TAF3: variants seen among roughly 807,000 people sequenced by gnomAD.
TAF3 encodes the protein transcription initiation factor TFIID subunit 3.
A neutral mutation model predicts 80.6 loss-of-function variants in TAF3; 7 were observed. The ratio of observed to expected loss-of-function variants is 0.09; its 90% CI spans 0.05 to 0.16. The LOEUF is 0.16. Among genes scored for constraint, TAF3 ranks in the 10% least tolerant of loss-of-function variants. The pLI, the probability that TAF3 is intolerant of heterozygous loss-of-function variation, is 1.00. For missense variants in TAF3, 921 were observed against 1,140.2 expected, an observed-to-expected ratio of 0.81 and a Z score of 2.77; for synonymous variants, 444 against 446.1, an observed-to-expected ratio of 1.00 and a Z score of 0.06.
chr10:7,941,721 G>A (rs1837978594), intron 2 of TAF3, among the ~76,000 whole-genome samples: 1 of 152,152 alleles, frequency 6.6e-6, no homozygotes. Flanking sequence ...GTAAATACAA[G>A]AACTTATTTA....
At chr10:7,976,835 T>C (rs375452828) in intron 3 of TAF3, among the ~76,000 whole-genome samples, 12 of 152,348 alleles carry the variant, frequency 7.9e-5, no homozygotes, top group African/African-American at 2.2e-4. Flanking sequence ...GTTTAATGTT[T>C]GTCAAGTTCC....
At chr10:7,911,678 C>G (rs1404446689) in intron 2 of TAF3, among the ~76,000 whole-genome samples, 1 of 152,208 alleles carries the variant, frequency 6.6e-6, no homozygotes, top group Non-Finnish European at 1.5e-5. Context: ...TAGTTTGTCT[C>G]ATGTTGTGTA....
intron 2 of TAF3, among the ~76,000 whole-genome samples, chr10:7,830,385 G>C (rs974276303): frequency 6.2e-5 from 8 of 128,078 alleles, no homozygotes; most frequent in African/African-American, 2.1e-4. Flanking sequence ...TTACTCCTTA[G>C]CTTTATAGTT....
chr10:8,008,079 G>A (rs1478835477), intron 4 of TAF3, among the ~76,000 whole-genome samples: 3 of 148,432 alleles, frequency 2.0e-5, no homozygotes, highest in African/African-American at 4.9e-5. Context: ...TCTGCAGCCC[G>A]TCTGGGAACA....
intron 2 of TAF3, among the ~76,000 whole-genome samples, chr10:7,884,984 T>C (rs1837395631): frequency 7.1e-6 from 1 of 140,152 alleles, no homozygotes; most frequent in South Asian, 2.3e-4. Flanking sequence ...TGGAGTTTAA[T>C]TTTTGTTCAG....
intron 2 of TAF3, among the ~76,000 whole-genome samples, chr10:7,942,654 G>A (rs1299756905): frequency 1.3e-5 from 2 of 152,274 alleles, no homozygotes; most frequent in East Asian, 1.9e-4. Flanking sequence ...TCTTGTTAGG[G>A]GTTGCAAACA....
chr10:7,951,530 C>T (rs948772454), intron 2 of TAF3, among the ~76,000 whole-genome samples: 5 of 152,206 alleles, frequency 3.3e-5, no homozygotes, highest in Admixed American at 6.5e-5. Flanking sequence ...TAGTGTGCAG[C>T]CGCTTTCCAT....
chr10:7,980,424 GT>G (rs1212669563), intron 4 of TAF3, among the ~76,000 whole-genome samples: 1 of 152,116 alleles, frequency 6.6e-6, no homozygotes, highest in East Asian at 1.9e-4. Flanking sequence ...GGAATAACTT[GT>G]TTTTCCCTTG....
At chr10:7,892,839 C>A (rs1372618281) in intron 2 of TAF3, among the ~76,000 whole-genome samples, 2 of 136,908 alleles carry the variant, frequency 1.5e-5, no homozygotes, top group Admixed American at 7.7e-5. Flanking sequence ...TTTTTTGAGA[C>A]GGAGTTTCTC....
chr10:7,884,774 C>G (rs1467379839), intron 2 of TAF3, among the ~76,000 whole-genome samples: 1 of 152,182 alleles, frequency 6.6e-6, no homozygotes, highest in African/African-American at 2.4e-5. Context: ...TTTAGTTCAC[C>G]TTAGCAGAGC....
At chr10:7,868,456 T>C (rs539289569) in intron 2 of TAF3, among the ~76,000 whole-genome samples, 2 of 151,252 alleles carry the variant, frequency 1.3e-5, no homozygotes, top group Non-Finnish European at 2.9e-5. Context: ...CAAGCTCTAG[T>C]GACCATCAGG....
chr10:7,981,311 C>A (rs1159276368), intron 4 of TAF3, among the ~76,000 whole-genome samples: 1 of 152,128 alleles, frequency 6.6e-6, no homozygotes, highest in Admixed American at 6.5e-5. Context: ...TCCCCCATGC[C>A]CAGGTCCATG....
At chr10:7,925,376 C>A (rs891300542) in intron 2 of TAF3, among the ~76,000 whole-genome samples, 1 of 152,290 alleles carries the variant, frequency 6.6e-6, no homozygotes, top group East Asian at 1.9e-4. Flanking sequence ...TTGTAGGCAA[C>A]AAGTAAATGC....
chr10:7,865,242 C>T (rs533189953), intron 2 of TAF3, among the ~76,000 whole-genome samples: 25 of 151,904 alleles, frequency 1.6e-4, no homozygotes, highest in Admixed American at 3.9e-4. Context: ...CCGAGGCGGG[C>T]GGATCATGAG....
Position 7,820,939 on chromosome 10 carries a change from A to ATAGGC in TAF3, c.166+2085_166+2089dup, listed in dbSNP as rs375807461. Among the ~76,000 whole-genome samples, 45 of 152,264 alleles carry ATAGGC rather than the reference A, an allele frequency of 3.0e-4. 1 individual carries two copies. The highest frequency in any genetic ancestry group is 9.6e-4 in the East Asian group (5 of 5,190). On this transcript the variant is annotated intron_variant, in intron 1 of 6. Coordinates refer to ENST00000344293, the MANE Select transcript of TAF3 (RefSeq NM_031923.4). Reference sequence around the variant, plus strand: ...GTGGTCCTTGAGTATACCGTTAGTGATAGGCTAGGCTAGGCTAGGCTAGGC... The same window carrying ATAGGC: ...GTGGTCCTTGAGTATACCGTTAGTGATAGGCTAGGCTAGGCTAGGCTAGGCTAGGC...
intron 1 of TAF3, among the ~76,000 whole-genome samples, chr10:7,822,243 TAAA>T (rs5783000): frequency 1.0e-4 from 14 of 136,740 alleles, no homozygotes; most frequent in Non-Finnish European, 1.6e-4. Flanking sequence ...AAATCATGGT[TAAA>T]AAAAAAAAAA....
chr10:7,946,843 T>C (rs1838029032), intron 2 of TAF3, among the ~76,000 whole-genome samples: 1 of 152,256 alleles, frequency 6.6e-6, no homozygotes. Context: ...TAACAACTTT[T>C]TTTGTATATT....
intron 3 of TAF3, 145 bp downstream of exon 3, chr10:7,965,887 T>C: frequency 7.8e-7 from 1 of 1,277,574 alleles, no homozygotes; most frequent in Non-Finnish European, 1.0e-6. Context: ...GTTACAAAAT[T>C]TGATTTTAAT....
intron 2 of TAF3, among the ~76,000 whole-genome samples, chr10:7,837,556 T>C (rs1030049973): frequency 6.6e-6 from 1 of 152,178 alleles, no homozygotes; most frequent in Non-Finnish European, 1.5e-5. Context: ...GGCACAAGAT[T>C]TGCTTGAACC....
Sources: allele counts gnomAD v4.1 joint callset (sites outside exome capture counted in the v4.1 genomes callset), GRCh38; gene constraint gnomAD v4.1.1; transcripts MANE v1.5; gene names NCBI Gene and HGNC (gene_info 2026-07-23, HGNC 2026-07-21).